The following GPR137B variants were observed in gnomAD, a reference collection of about 807,000 sequenced individuals.
GPR137B encodes the protein integral membrane protein GPR137B.
In GPR137B, 42 loss-of-function variants were observed where a neutral mutation model predicts 42.5. That is an observed-to-expected ratio of 0.99 (90% CI 0.77 to 1.28). The LOEUF (loss-of-function observed/expected upper bound fraction) is 1.28. Among genes scored for constraint, GPR137B ranks in the 50% most tolerant of loss-of-function variants. GPR137B has a pLI of 0.00. For missense variants in GPR137B, 487 were observed against 493.9 expected, an observed-to-expected ratio of 0.99 and a Z score of 0.13; for synonymous variants, 218 against 209.7, an observed-to-expected ratio of 1.04 and a Z score of -0.34.
intron 2 of GPR137B, among the ~76,000 whole-genome samples, chr1:236,177,016 G>T (rs913518336): frequency 6.6e-6 from 1 of 152,158 alleles, no homozygotes; most frequent in African/African-American, 2.4e-5. Flanking sequence ...TACAGGGAGG[G>T]TCAGGGGTGT....
chr1:236,151,423 T>C (rs1209766352), intron 1 of GPR137B, among the ~76,000 whole-genome samples: 2 of 142,466 alleles, frequency 1.4e-5, no homozygotes, highest in African/African-American at 5.3e-5. Flanking sequence ...TATTCATTTT[T>C]TTTTTTTTTT....
chr1:236,189,815 A>G (rs1663136223), intron 5 of GPR137B, among the ~76,000 whole-genome samples: 1 of 152,176 alleles, frequency 6.6e-6, no homozygotes, highest in Non-Finnish European at 1.5e-5. Flanking sequence ...AGTTCTGTAG[A>G]TGTCTGCTAG....
intron 5 of GPR137B, among the ~76,000 whole-genome samples, chr1:236,194,704 C>A (rs1473284102): frequency 6.6e-6 from 1 of 152,144 alleles, no homozygotes; most frequent in Non-Finnish European, 1.5e-5. Context: ...GCTTTTCAAA[C>A]CCCAACAGTC....
chr1:236,153,157 T>A (rs1396846054), intron 1 of GPR137B, among the ~76,000 whole-genome samples: 1 of 152,108 alleles, frequency 6.6e-6, no homozygotes, highest in Admixed American at 6.5e-5. Flanking sequence ...AACCATTGAA[T>A]GCATGCAGCT....
intron 1 of GPR137B, among the ~76,000 whole-genome samples, chr1:236,143,552 C>T (rs1023861843): frequency 2.6e-5 from 4 of 152,202 alleles, no homozygotes; most frequent in Non-Finnish European, 5.9e-5. Flanking sequence ...ATGTTTTGAA[C>T]CTCCGGCTTA....
At chr1:236,188,915 C>G (rs1280901579) in intron 5 of GPR137B, among the ~76,000 whole-genome samples, 2 of 152,056 alleles carry the variant, frequency 1.3e-5, no homozygotes, top group African/African-American at 4.8e-5. Flanking sequence ...CTCTTTGTAC[C>G]TCTGGTAGAA....
Position 236,178,448 on chromosome 1 carries a change from C to T in GPR137B, c.499C>T (p.Leu167Phe). Residue 167 changes from leucine (L) to phenylalanine (F), a missense_variant, in exon 3 of 7, where the codon CTT becomes TTT. By Grantham distance (22) the Leu-to-Phe change is conservative. Transcript: ENST00000366592. Reference protein sequence around the residue: ...PLYLASLFISLVFLLVNLTCA... With the variant: ...PLYLASLFISFVFLLVNLTCA... The stretch of plus-strand genomic sequence containing the variant: ...CTACCTGGCCTCCCTCTTCATCAGC[C>T]TTGTTTTCCTGTTGGTGAATTTAAC... 9 of 1,613,866 alleles carry T rather than the reference C, an allele frequency of 5.6e-6. No individual in the cohort carries two copies. The highest frequency in any genetic ancestry group is 5.9e-6 in the Non-Finnish European group (7 of 1,179,954).
At chr1:236,160,521 T>C (rs1338418109) in intron 1 of GPR137B, among the ~76,000 whole-genome samples, 1 of 152,148 alleles carries the variant, frequency 6.6e-6, no homozygotes, top group East Asian at 1.9e-4. Context: ...TCTGCCCTTC[T>C]CGGGACCCAG....
chr1:236,205,013 C>A, intron 5 of GPR137B, 113 bp from the exon 6 acceptor site: 1 of 844,616 alleles, frequency 1.2e-6, no homozygotes, highest in Non-Finnish European at 1.9e-6. Context: ...CAGATATAGC[C>A]TACATTCAAA....
chr1:236,146,245 CAA>C (rs1558476618), intron 1 of GPR137B, among the ~76,000 whole-genome samples: 1 of 152,154 alleles, frequency 6.6e-6, no homozygotes, highest in Non-Finnish European at 1.5e-5. Flanking sequence ...TGCAGAGAAT[CAA>C]AGTATACATA....
In GPR137B at chr1:236,142,560, G is replaced by T. The variant is rs889343008; in HGVS notation, c.-63G>T. 5.5e-6 allele frequency: 5 copies of T among 903,242 alleles called. No homozygotes were observed. In the African/African-American group the frequency reaches 8.8e-5, roughly 16 times the overall value. 56.0% of individuals were successfully genotyped at this position (903,242 alleles called of 1,614,324 possible). On this transcript the variant is annotated 5_prime_UTR_variant, in exon 1 of 7. Coordinates refer to ENST00000366592, the MANE Select transcript of GPR137B (RefSeq NM_003272.4). ...GCTTGTTTTCTTTCCTCCAGTCTCG[G>T]GGCTGCAGGCTGAGCGCGATGCGCG... is the stretch of plus-strand genomic sequence containing the variant.
At chr1:236,147,955 A>G (rs1320379153) in intron 1 of GPR137B, among the ~76,000 whole-genome samples, 3 of 152,122 alleles carry the variant, frequency 2.0e-5, no homozygotes, top group Admixed American at 6.5e-5. Context: ...TCTGGCCCCA[A>G]ATGTTTGGAA....
chr1:236,181,122 AC>A (rs1662860029), intron 4 of GPR137B, among the ~76,000 whole-genome samples: 1 of 152,174 alleles, frequency 6.6e-6, no homozygotes, highest in African/African-American at 2.4e-5. Context: ...GAAAATCTAG[AC>A]AAAAGTGACT....
At chr1:236,164,903 AGAGAGAGAGAGAG>A (rs1227006539) in intron 1 of GPR137B, among the ~76,000 whole-genome samples, 7 of 151,526 alleles carry the variant, frequency 4.6e-5, no homozygotes, top group African/African-American at 1.7e-4. Context: ...AGAGAGAGAG[AGAGAGAGAGAGAG>A]AGAGATGGAT....
chr1:236,157,694 C>G (rs559165077), intron 1 of GPR137B, among the ~76,000 whole-genome samples: 1 of 152,204 alleles, frequency 6.6e-6, no homozygotes, highest in Admixed American at 6.5e-5. Flanking sequence ...CCTGCATGTA[C>G]AAAGAGTTGG....
At chr1:236,204,221 C>T (rs1254208) in intron 5 of GPR137B, among the ~76,000 whole-genome samples, 56,887 of 151,998 alleles carry the variant, frequency 0.37, 12,075 homozygotes, top group East Asian at 0.61. Flanking sequence ...TTTATTTGTG[C>T]TATGTTGAGC....
At chr1:236,199,472 ATTC>A (rs1164354712) in intron 5 of GPR137B, among the ~76,000 whole-genome samples, 3 of 152,128 alleles carry the variant, frequency 2.0e-5, no homozygotes, top group African/African-American at 7.2e-5. Flanking sequence ...ATTGGTACCA[ATTC>A]TTCTTTGAAT....
chr1:236,195,674 C>G (rs934797414), intron 5 of GPR137B, among the ~76,000 whole-genome samples: 1 of 152,194 alleles, frequency 6.6e-6, no homozygotes, highest in Non-Finnish European at 1.5e-5. Context: ...TTTTGAGGAA[C>G]TGCCAAACTG....
intron 1 of GPR137B, among the ~76,000 whole-genome samples, chr1:236,153,539 G>A (rs890325235): frequency 1.3e-5 from 2 of 152,288 alleles, no homozygotes; most frequent in South Asian, 4.2e-4. Flanking sequence ...TGGACATTTA[G>A]GTTGTTTCAT....
Sources: gnomAD v4.1 joint callset for allele counts (sites outside exome capture counted in the v4.1 genomes callset) on GRCh38, gnomAD v4.1.1 for gene constraint, MANE v1.5 for transcripts, NCBI Gene and HGNC (gene_info 2026-07-23, HGNC 2026-07-21) for gene names.